COLGALT1: variants seen among roughly 807,000 people sequenced by gnomAD.
COLGALT1 encodes the protein collagen beta(1-O)galactosyltransferase 1.
A neutral mutation model predicts 60.8 loss-of-function variants in COLGALT1; 43 were observed. The observed-to-expected ratio is 0.71, with a 90% CI of 0.55 to 0.91. The LOEUF is 0.91. Ranked by LOEUF, COLGALT1 falls within the 40% of genes least tolerant of loss-of-function variation. COLGALT1 has a pLI of 0.00. For synonymous variants in COLGALT1, 369 were observed against 374.2 expected (o/e 0.99, Z 0.16); for missense variants, 845 against 880.0 (o/e 0.96, Z 0.50).
intron 3 of COLGALT1, among the ~76,000 whole-genome samples, chr19:17,564,066 C>CCG (rs1555768578): frequency 5.9e-5 from 7 of 119,022 alleles, no homozygotes; most frequent in Non-Finnish European, 8.9e-5. Context: ...TGAGACCCCC[C>CCG]CCATCTCTAC....
At chr19:17,575,367 T>C (rs994358855) in intron 6 of COLGALT1, among the ~76,000 whole-genome samples, 2 of 152,080 alleles carry the variant, frequency 1.3e-5, no homozygotes, top group African/African-American at 4.8e-5. Context: ...TGCCTCAGCC[T>C]CCCGAGTAGC....
At chr19:17,574,325 G>A (rs1281980966) in intron 6 of COLGALT1, among the ~76,000 whole-genome samples, 1 of 151,676 alleles carries the variant, frequency 6.6e-6, no homozygotes, top group Non-Finnish European at 1.5e-5. Context: ...TTTGTGTTTT[G>A]GGGAGACTTT....
intron 2 of COLGALT1, among the ~76,000 whole-genome samples, chr19:17,560,100 T>A (rs1355567000): frequency 2.0e-5 from 3 of 152,144 alleles, no homozygotes; most frequent in Non-Finnish European, 2.9e-5. Context: ...CCACTGAGCT[T>A]CCTTCCTTCC....
intron 4 of COLGALT1, among the ~76,000 whole-genome samples, chr19:17,568,053 A>C (rs1454879845): frequency 6.6e-6 from 1 of 152,164 alleles, no homozygotes; most frequent in African/African-American, 2.4e-5. Context: ...CCACCATGCT[A>C]TTCCAGAGGT....
At chr19:17,561,341 A>C (rs1212365719) in intron 3 of COLGALT1, among the ~76,000 whole-genome samples, 1 of 151,986 alleles carries the variant, frequency 6.6e-6, no homozygotes. Context: ...TCGGCCTCCC[A>C]AAGTGCTGGG....
Position 17,581,449 on chromosome 19 carries a change from T to A in COLGALT1, c.*5T>A. The A allele has an allele frequency of 3.1e-6, 5 of 1,602,458 alleles. No individual in the cohort carries two copies. Among genetic ancestry groups the A allele is most frequent in the Non-Finnish European group, 4.2e-6 (5 of 1,176,948 alleles). ...GCTGCCCGGGATGAACTCTGAGGGG[T>A]AGCAGCCAGAAAGCCAAAGCAGCCA... is the stretch of plus-strand genomic sequence containing the variant. On this transcript the variant is annotated 3_prime_UTR_variant, in exon 12 of 12. Coordinates refer to ENST00000252599, the MANE Select transcript of COLGALT1 (RefSeq NM_024656.4).
chr19:17,559,950 G>A (rs1435299731), intron 2 of COLGALT1, among the ~76,000 whole-genome samples: 1 of 152,140 alleles, frequency 6.6e-6, no homozygotes, highest in East Asian at 1.9e-4. Flanking sequence ...ACCATGCCTA[G>A]CTAATGTTTT....
At chr19:17,571,349 A>T (rs557354600) in intron 5 of COLGALT1, among the ~76,000 whole-genome samples, 1 of 151,144 alleles carries the variant, frequency 6.6e-6, no homozygotes, top group Non-Finnish European at 1.5e-5. Flanking sequence ...CCCAGGAGGC[A>T]GTGAACGGAG....
At chr19:17,568,025 A>G (rs1434620841) in intron 4 of COLGALT1, among the ~76,000 whole-genome samples, 3 of 152,118 alleles carry the variant, frequency 2.0e-5, no homozygotes, top group African/African-American at 4.8e-5. Context: ...GGAAGAATAG[A>G]GGGTCCTTGA....
At chr19:17,577,163 C>T (rs1229916539) in intron 6 of COLGALT1, 32 bp from the exon 7 acceptor site, 1 of 1,606,196 alleles carries the variant, frequency 6.2e-7, no homozygotes, top group Non-Finnish European at 8.5e-7. Context: ...GGCTCCTTAC[C>T]CCAGCGACTC....
intron 9 of COLGALT1, among the ~76,000 whole-genome samples, chr19:17,578,661 C>A (rs2076359916): frequency 6.6e-6 from 1 of 152,188 alleles, no homozygotes; most frequent in Non-Finnish European, 1.5e-5. Context: ...CTGCAGTCAG[C>A]CAAGATCGTG....
intron 3 of COLGALT1, among the ~76,000 whole-genome samples, chr19:17,562,812 T>C (rs1180975836): frequency 2.0e-5 from 3 of 152,052 alleles, no homozygotes; most frequent in African/African-American, 7.2e-5. Context: ...AGGTTCTGCT[T>C]TGACACTGGA....
intron 6 of COLGALT1, among the ~76,000 whole-genome samples, chr19:17,573,229 A>G (rs2076322939): frequency 1.3e-5 from 2 of 152,070 alleles, no homozygotes; most frequent in African/African-American, 4.8e-5. Context: ...CCCCATCTCT[A>G]TATTAAAAAA....
At chr19:17,579,821 G>A in intron 10 of COLGALT1, 1 of 620,528 alleles carries the variant, frequency 1.6e-6, no homozygotes, top group East Asian at 2.8e-5. Flanking sequence ...CTACGGGCGT[G>A]GCCACAGCGC....
At position 17,582,242 on chromosome 19, in the gene COLGALT1, T is replaced by G. The variant is rs1360319252; in HGVS notation, c.*798T>G. 6.6e-6 allele frequency: 1 copy of G among 152,120 alleles called. No individual in the cohort carries two copies. Among genetic ancestry groups the G allele is most frequent in the Non-Finnish European group, 1.5e-5 (1 of 68,008 alleles). 9.4% of individuals were successfully genotyped at this position (152,120 alleles called of 1,614,324 possible). ...GGGAATATTGAGATAAATAAGATGC[T>G]TCTATCCATTTATTCAAGCACATAT... On this transcript the variant is annotated 3_prime_UTR_variant, in exon 12 of 12. Transcript: ENST00000252599.
In COLGALT1 at chr19:17,582,972, G is replaced by C. The variant is rs2076394103; in HGVS notation, c.*1528G>C. 2 of 152,398 alleles carry C rather than the reference G, an allele frequency of 1.3e-5. No individual in the cohort carries two copies. The highest frequency in any genetic ancestry group is 4.8e-5 in the African/African-American group (2 of 41,458). 9.4% of individuals were successfully genotyped at this position (152,398 alleles called of 1,614,324 possible). A position where few individuals can be genotyped will look rare whatever the true frequency, so the allele number is the denominator to read the frequency against. Reference sequence around the variant, plus strand: ...AGCCTTTGGTGGGATCATGTGTTTGGGGGCTTTTAGGGGACCCAGCTGCAC... The same window carrying C: ...AGCCTTTGGTGGGATCATGTGTTTGCGGGCTTTTAGGGGACCCAGCTGCAC... On this transcript the variant is annotated 3_prime_UTR_variant, in exon 12 of 12. Coordinates refer to ENST00000252599, the MANE Select transcript of COLGALT1 (RefSeq NM_024656.4).
rs200591748 is a variant in COLGALT1 at position 17,579,464 on chromosome 19, C to T, written c.1267-18C>T. The T allele has an allele frequency of 3.2e-4, 514 of 1,610,802 alleles. 2 individuals carry two copies. The highest frequency in any genetic ancestry group is 3.3e-5 in the Admixed American group (2 of 59,892). On this transcript the variant is annotated intron_variant, in intron 9 of 11. Coordinates refer to ENST00000252599, the MANE Select transcript of COLGALT1 (RefSeq NM_024656.4). ...TGGCCTTGGCCTCCCTGTGATGTGG[C>T]GGGGCTTCCTCCCTCAGGTGGTGGA...
At chr19:17,561,081 T>C (rs1355181663) in intron 3 of COLGALT1, among the ~76,000 whole-genome samples, 1 of 151,142 alleles carries the variant, frequency 6.6e-6, no homozygotes, top group Non-Finnish European at 1.5e-5. Flanking sequence ...GGCAGGTGCC[T>C]GTAATCCCGG....
chr19:17,571,386 C>T (rs540511572), intron 5 of COLGALT1, among the ~76,000 whole-genome samples: 4 of 151,704 alleles, frequency 2.6e-5, no homozygotes, highest in African/African-American at 4.8e-5. Context: ...CCAGCCTGGG[C>T]GACAGAGCGA....
Sources: allele counts gnomAD v4.1 joint callset (sites outside exome capture counted in the v4.1 genomes callset), GRCh38; gene constraint gnomAD v4.1.1; transcripts MANE v1.5; gene names NCBI Gene and HGNC (gene_info 2026-07-23, HGNC 2026-07-21).